Variants in HDAC9 observed in about 807,000 individuals in gnomAD.
HDAC9 encodes histone deacetylase 9, also known as MEF-2 interacting transcription repressor (MITR) protein.
HDAC9 carries 41 observed loss-of-function variants against 139.4 expected under a neutral mutation model. That is an observed-to-expected ratio of 0.29 (90% CI 0.23 to 0.38). The LOEUF (loss-of-function observed/expected upper bound fraction) is 0.38. Among genes scored for constraint, HDAC9 ranks in the 10% least tolerant of loss-of-function variants. The pLI is 1.00. For synonymous variants in HDAC9, 517 were observed against 476.2 expected, an observed-to-expected ratio of 1.09 and a Z score of -1.12; for missense variants, 1,147 against 1,297.0, an observed-to-expected ratio of 0.88 and a Z score of 1.78.
chr7:18,647,616 T>C (rs1472234112), intron 9 of HDAC9, among the ~76,000 whole-genome samples, 169 bp from the exon 10 acceptor site: 1 of 152,180 alleles, frequency 6.6e-6, no homozygotes, highest in Non-Finnish European at 1.5e-5. Context: ...TATTCCTTCT[T>C]TTTTGAACTG....
chr7:18,143,131 C>A (rs1279852617), intron 1 of HDAC9, among the ~76,000 whole-genome samples: 1 of 152,190 alleles, frequency 6.6e-6, no homozygotes, highest in Admixed American at 6.5e-5. Context: ...AGATCTCCCC[C>A]TGCTTTTGTA....
intron 17 of HDAC9, among the ~76,000 whole-genome samples, chr7:18,814,411 G>A (rs1439969342): frequency 6.6e-6 from 1 of 152,084 alleles, no homozygotes; most frequent in African/African-American, 2.4e-5. Flanking sequence ...GATATCTGCT[G>A]GTTTATGTAT....
intron 5 of HDAC9, among the ~76,000 whole-genome samples, chr7:18,593,638 GCT>G: frequency 6.6e-6 from 1 of 152,094 alleles, no homozygotes; most frequent in Non-Finnish European, 1.5e-5. Flanking sequence ...ATTGTCAAAA[GCT>G]CAGACTCTTG....
intron 2 of HDAC9, among the ~76,000 whole-genome samples, chr7:18,569,966 A>G (rs555398675): frequency 2.6e-5 from 4 of 152,316 alleles, no homozygotes; most frequent in African/African-American, 7.2e-5. Flanking sequence ...ACTTTCTTCA[A>G]TTAAAAAGTA....
chr7:18,547,349 CCT>C (rs1449180611), intron 2 of HDAC9, among the ~76,000 whole-genome samples: 1 of 152,188 alleles, frequency 6.6e-6, no homozygotes, highest in Non-Finnish European at 1.5e-5. Context: ...CATTCTCCTG[CCT>C]CAGCCTCCCG....
At chr7:18,590,239 A>G in intron 3 of HDAC9, 97 bp from the exon 4 acceptor site, 1 of 1,281,266 alleles carries the variant, frequency 7.8e-7, no homozygotes, top group South Asian at 1.5e-5. Flanking sequence ...ACTAAATACA[A>G]ACAAGTTCCA....
intron 1 of HDAC9, among the ~76,000 whole-genome samples, chr7:18,471,802 C>T (rs1263560800): frequency 6.6e-6 from 1 of 152,064 alleles, no homozygotes; most frequent in Non-Finnish European, 1.5e-5. Context: ...TGTAACCATC[C>T]TTGTGGAGAG....
At chr7:18,977,613 T>G (rs1176440697) in intron 25 of HDAC9, among the ~76,000 whole-genome samples, 1 of 152,136 alleles carries the variant, frequency 6.6e-6, no homozygotes, top group African/African-American at 2.4e-5. Flanking sequence ...TAACCTTGGC[T>G]TCAGTCCACA....
intron 1 of HDAC9, among the ~76,000 whole-genome samples, chr7:18,146,085 G>C (rs1786299718): frequency 6.6e-6 from 1 of 152,148 alleles, no homozygotes; most frequent in Non-Finnish European, 1.5e-5. Context: ...ATCAAGAAAA[G>C]GAAATGTCTT....
At chr7:18,509,374 CAA>C (rs1800756206) in intron 2 of HDAC9, 1 of 985,310 alleles carries the variant, frequency 1.0e-6, no homozygotes, top group African/African-American at 1.7e-5. Context: ...TCTCTAGCCT[CAA>C]GAAGACTGAG....
chr7:18,583,536 T>C (rs1193694404), intron 2 of HDAC9, among the ~76,000 whole-genome samples: 3 of 148,542 alleles, frequency 2.0e-5, no homozygotes, highest in African/African-American at 5.0e-5. Context: ...CTTCGCGACA[T>C]AGCAAGATAA....
chr7:18,307,827 G>GA (rs1799032785), intron 1 of HDAC9, among the ~76,000 whole-genome samples: 1 of 151,620 alleles, frequency 6.6e-6, no homozygotes, highest in Non-Finnish European at 1.5e-5. Context: ...TTGTAAAATT[G>GA]AAAAAAATCG....
intron 25 of HDAC9, among the ~76,000 whole-genome samples, chr7:18,980,277 T>C (rs1167169366): frequency 3.9e-5 from 6 of 152,168 alleles, no homozygotes; most frequent in African/African-American, 1.4e-4. Context: ...AAACAGTGTT[T>C]ACTTTGAAAA....
At chr7:18,110,892 T>C (rs1270711842) in intron 1 of HDAC9, among the ~76,000 whole-genome samples, 1 of 152,148 alleles carries the variant, frequency 6.6e-6, no homozygotes, top group Non-Finnish European at 1.5e-5. Context: ...AAGGGGAGTC[T>C]GGGATTCTTT....
At chr7:18,170,047 A>G (rs1450282000) in intron 2 of HDAC9, among the ~76,000 whole-genome samples, 1 of 152,196 alleles carries the variant, frequency 6.6e-6, no homozygotes, top group Non-Finnish European at 1.5e-5. Flanking sequence ...TGTCTTCCAC[A>G]ATGGTTGAAC....
intron 1 of HDAC9, among the ~76,000 whole-genome samples, chr7:18,446,544 C>T (rs1792313403): frequency 6.6e-6 from 1 of 152,056 alleles, no homozygotes. Context: ...GTAATACTTG[C>T]TTATTGTTTT....
Position 18,762,212 on chromosome 7 carries a change from A to G in HDAC9, c.2099A>G (p.His700Arg). The change falls in exon 15 of 26, where the codon CAT (histidine) becomes CGT (arginine). Residue 700 changes from histidine to arginine, a missense_variant. Around this residue, in one of 7 missense-constraint regions of HDAC9, gnomAD observed 407 missense variants for 521.5 expected, o/e 0.78. Coordinates refer to ENST00000686413, the MANE Select transcript of HDAC9 (RefSeq NM_178425.4). ...LEEIQLVHSE[H>R]HSLLYGTNPL... ...GAAATACAGCTTGTTCATTCTGAAC[A>G]TCACTCACTGTTGTATGGCACCAAC... is the stretch of plus-strand genomic sequence containing the variant. The G allele has an allele frequency of 1.9e-6, 3 of 1,613,754 alleles. 1 individual carries two copies. The highest frequency in any genetic ancestry group is 2.2e-5 in the South Asian group (2 of 91,086).
chr7:18,715,088 A>T (rs1784603645), intron 12 of HDAC9, among the ~76,000 whole-genome samples: 1 of 152,148 alleles, frequency 6.6e-6, no homozygotes, highest in Admixed American at 6.5e-5. Flanking sequence ...AATACACCAG[A>T]GTATTATTGT....
chr7:18,198,452 A>G (rs1790875024), intron 2 of HDAC9, among the ~76,000 whole-genome samples: 1 of 152,188 alleles, frequency 6.6e-6, no homozygotes, highest in Non-Finnish European at 1.5e-5. Flanking sequence ...AAACAAAGGG[A>G]AGAATCAGTG....
Sources: gnomAD v4.1 joint callset for allele counts (sites outside exome capture counted in the v4.1 genomes callset) on GRCh38, gnomAD v4.1.1 for gene constraint, gnomAD v4.1.1 regional missense constraint, MANE v1.5 for transcripts, NCBI Gene and HGNC (gene_info 2026-07-23, HGNC 2026-07-21) for gene names.